RSL1D1: variants seen among roughly 807,000 people sequenced by gnomAD.
The protein encoded by RSL1D1 is ribosomal L1 domain containing 1.
In RSL1D1, 34 loss-of-function variants were observed where a neutral mutation model predicts 44.6. The observed-to-expected ratio is 0.76, with a 90% confidence interval of 0.58 to 1.02. The LOEUF is 1.02. RSL1D1 is among the 50% of genes least tolerant of loss of function. RSL1D1 has a pLI of 0.00. For missense variants in RSL1D1, 767 were observed against 568.1 expected, an observed-to-expected ratio of 1.35 and a Z score of -3.56; for synonymous variants, 271 against 207.4, an observed-to-expected ratio of 1.31 and a Z score of -2.63.
intron 7 of RSL1D1, chr16:11,841,472 A>G (rs1166950101): frequency 4.6e-6 from 2 of 436,822 alleles, no homozygotes; most frequent in Non-Finnish European, 8.2e-6. Context: ...TTATCAATAA[A>G]TACAAGATAT....
chr16:11,834,792 A>C lies in RSL1D1; in HGVS notation c.*2995T>G, dbSNP rs572921713. On this transcript the variant is annotated 3_prime_UTR_variant, in exon 9 of 9. Coordinates refer to ENST00000571133, the MANE Select transcript of RSL1D1 (RefSeq NM_015659.3). Reference sequence around the variant, plus strand: ...ATTTTAGATGCTTTCATAATTTAAAAAGTTAACATTACAATTTGTGTTACT... The same window carrying C: ...ATTTTAGATGCTTTCATAATTTAAACAGTTAACATTACAATTTGTGTTACT... 6.6e-6 allele frequency: 1 copy of C among 152,342 alleles called. No individual in the cohort carries two copies. Among genetic ancestry groups the C allele is most frequent in the East Asian group, 1.9e-4 (1 of 5,192 alleles). The allele number at this position is 152,342 out of a possible 1,614,324, so 9.4% of individuals were successfully genotyped here. A position where few individuals can be genotyped will look rare whatever the true frequency, so the allele number is the denominator to read the frequency against.
rs1272328506 is a variant in RSL1D1, at chr16:11,836,750, C to G, written c.*1037G>C. On this transcript the variant is annotated 3_prime_UTR_variant, in exon 9 of 9. Transcript: ENST00000571133. Reference sequence around the variant, plus strand: ...CCAGTGACTCATAAGCTTAGACCAACAAGCTCAGCATGAAAGCCAAGAAAC... The same window carrying G: ...CCAGTGACTCATAAGCTTAGACCAAGAAGCTCAGCATGAAAGCCAAGAAAC... 6.6e-6 allele frequency: 1 copy of G among 152,210 alleles called. No homozygotes were observed. Among genetic ancestry groups the G allele is most frequent in the Non-Finnish European group, 1.5e-5 (1 of 68,044 alleles). 9.4% of individuals were successfully genotyped at this position (152,210 alleles called of 1,614,324 possible). A position where few individuals can be genotyped will look rare whatever the true frequency, so the allele number is the denominator to read the frequency against.
At chr16:11,838,874 A>AC (rs1185904704) in intron 8 of RSL1D1, among the ~76,000 whole-genome samples, 1 of 151,404 alleles carries the variant, frequency 6.6e-6, no homozygotes, top group African/African-American at 2.4e-5. Context: ...AAAAACAAAA[A>AC]AAAACTGTGA....
rs1422655022 is a variant in RSL1D1 at position 11,846,817 on chromosome 16, C to G, written c.411G>C (p.Lys137Asn). The G allele has an allele frequency of 6.2e-7, 1 of 1,611,358 alleles. No homozygotes were observed. Among genetic ancestry groups the G allele is most frequent in the Non-Finnish European group, 8.5e-7 (1 of 1,177,920 alleles). Residue 137 changes from lysine to asparagine, a missense_variant, in exon 4 of 9, where the codon AAG (lysine) becomes AAC (asparagine). Coordinates refer to ENST00000571133, the MANE Select transcript of RSL1D1 (RefSeq NM_015659.3). ...GCTTGGCTTCATAGGATTTATATTC[C>G]TTCTTTAGAGTTTGGAGGGAGATAA... is the stretch of plus-strand genomic sequence containing the variant. The part of the protein sequence containing the change: ...SQIISLQTLK[K>N]EYKSYEAKLR...
intron 8 of RSL1D1, 98 bp downstream of exon 8, chr16:11,839,597 C>T (rs2053749308): frequency 1.4e-6 from 2 of 1,476,488 alleles, no homozygotes; most frequent in Non-Finnish European, 1.8e-6. Flanking sequence ...TTTGGGTTCA[C>T]TCTAGTATTT....
intron 6 of RSL1D1, 26 bp downstream of exon 6, chr16:11,841,881 C>G (rs1160224650): frequency 6.2e-7 from 1 of 1,611,026 alleles, no homozygotes; most frequent in East Asian, 2.2e-5. Context: ...AATGAACAAT[C>G]AATTGATGCA....
intron 2 of RSL1D1, among the ~76,000 whole-genome samples, chr16:11,848,599 AC>A (rs1232479024): frequency 6.6e-6 from 1 of 152,074 alleles, no homozygotes; most frequent in Non-Finnish European, 1.5e-5. Flanking sequence ...ATCATAGCTC[AC>A]GATAGCCTCC....
In RSL1D1 at chr16:11,839,125, G is replaced by A. The variant is rs528402532; in HGVS notation, c.1146+570C>T. Among the ~76,000 whole-genome samples the A allele has an allele frequency of 1.9e-4, 29 of 152,216 alleles. No individual in the cohort carries two copies. In the South Asian group the frequency reaches 3.5e-3, roughly 19 times the overall value. ...TCATGCCTGTAATCCCAGCACTTTGGGAGGACAAGGCGGGCGGATCACCTG... is the reference window on the plus strand; with the variant it reads ...TCATGCCTGTAATCCCAGCACTTTGAGAGGACAAGGCGGGCGGATCACCTG... On this transcript the variant is annotated intron_variant, in intron 8 of 8. Coordinates refer to ENST00000571133, the MANE Select transcript of RSL1D1 (RefSeq NM_015659.3).
Position 11,851,469 on chromosome 16 carries a change from GT to G in RSL1D1, c.43del (p.Thr15LeufsTer30). On this transcript the variant is annotated frameshift_variant, in exon 1 of 9. Coordinates refer to ENST00000571133, the MANE Select transcript of RSL1D1 (RefSeq NM_015659.3). LOFTEE classifies it high-confidence loss of function. ...ASASLSSAAA[T>X]GTSTSTPAAP... Reference sequence around the variant, plus strand: ...CGCTGGAGTCGAGGTGGAGGTTCCAGTAGCGGCTGCAGAAGACAGCGAGGCC... The same window carrying G: ...CGCTGGAGTCGAGGTGGAGGTTCCAGAGCGGCTGCAGAAGACAGCGAGGCC... 1 of 1,614,110 alleles carries G rather than the reference GT, an allele frequency of 6.2e-7. No homozygotes were observed. Among genetic ancestry groups the G allele is most frequent in the Non-Finnish European group, 8.5e-7 (1 of 1,179,990 alleles).
chr16:11,845,846 T>C (rs546661839), intron 5 of RSL1D1, among the ~76,000 whole-genome samples: 2 of 151,936 alleles, frequency 1.3e-5, no homozygotes, highest in South Asian at 4.2e-4. Context: ...CACAGCCTCC[T>C]GTGTAGCTGG....
chr16:11,847,145 G>A (rs1215326075), intron 3 of RSL1D1, among the ~76,000 whole-genome samples: 1 of 152,164 alleles, frequency 6.6e-6, no homozygotes, highest in African/African-American at 2.4e-5. Context: ...GGAGGCCGAG[G>A]TGGGTGGATC....
At chr16:11,850,968 G>C in intron 1 of RSL1D1, 1 of 238,790 alleles carries the variant, frequency 4.2e-6, no homozygotes, top group East Asian at 1.4e-4. Flanking sequence ...GGGATTACAG[G>C]CGTGAGCCAC....
rs1343033328 is a variant in RSL1D1, at chr16:11,851,436, G to A, written c.77C>T (p.Thr26Ile). The A allele has an allele frequency of 3.7e-6, 6 of 1,614,010 alleles. No individual in the cohort carries two copies. Among genetic ancestry groups the A allele is most frequent in the Non-Finnish European group, 5.1e-6 (6 of 1,179,980 alleles). Residue 26 changes from threonine to isoleucine, a missense_variant, in exon 1 of 9, where the codon ACA (threonine) becomes ATA (isoleucine). Transcript: ENST00000571133. ...GTSTSTPAAPTARKQLDKEQV... is the reference protein window; with the variant it reads ...GTSTSTPAAPIARKQLDKEQV... ...TTCTTTATCCAGCTGCTTCCGTGCT[G>A]TCGGGGCCGCTGGAGTCGAGGTGGA...
chr16:11,840,195 C>T (rs1336185925), intron 7 of RSL1D1, among the ~76,000 whole-genome samples: 9 of 152,168 alleles, frequency 5.9e-5, no homozygotes, highest in Admixed American at 5.2e-4. Flanking sequence ...AAATTATATA[C>T]CGGCATTTCA....
At position 11,846,515 on chromosome 16, in the gene RSL1D1, T is replaced by A; in HGVS notation, c.621A>T (p.Lys207Asn). 6.4e-7 allele frequency: 1 copy of A among 1,574,608 alleles called. No individual in the cohort carries two copies. Residue 207 changes from lysine to asparagine, a missense_variant, in exon 5 of 9, where the codon AAA becomes AAT. Coordinates refer to ENST00000571133, the MANE Select transcript of RSL1D1 (RefSeq NM_015659.3). Reference protein sequence around the residue: ...CIGGTVLNISKSGSCSAIRIG... With the variant: ...CIGGTVLNISNSGSCSAIRIG... ...CTTTTACCTACCTGCAAGAACCACT[T>A]TTAGAAATGTTTAAGACTGTTCCAC...
At chr16:11,842,958 G>A (rs1218789226) in intron 5 of RSL1D1, among the ~76,000 whole-genome samples, 3 of 135,786 alleles carry the variant, frequency 2.2e-5, no homozygotes, top group Admixed American at 1.6e-4. Context: ...AGTTTCACTC[G>A]TTGCCCAGGC....
chr16:11,836,919 CAA>C lies in RSL1D1; in HGVS notation c.*866_*867del, dbSNP rs1235178980. On this transcript the variant is annotated 3_prime_UTR_variant, in exon 9 of 9. Coordinates refer to ENST00000571133, the MANE Select transcript of RSL1D1 (RefSeq NM_015659.3). ...AGGAAAAGGGTCACATCACAGACCT[CAA>C]GTCAGACCCACTGATTTGGAAAGCC... The C allele has an allele frequency of 6.6e-6, 1 of 152,188 alleles. No individual in the cohort carries two copies. 9.4% of individuals were successfully genotyped at this position (152,188 alleles called of 1,614,324 possible). A position where few individuals can be genotyped will look rare whatever the true frequency, so the allele number is the denominator to read the frequency against.
chr16:11,840,075 C>G, intron 7 of RSL1D1, 90 bp from the exon 8 acceptor site: 1 of 1,523,974 alleles, frequency 6.6e-7, no homozygotes, highest in South Asian at 1.3e-5. Context: ...TTTTGATTAT[C>G]CATAAGCCCC....
intron 2 of RSL1D1, among the ~76,000 whole-genome samples, chr16:11,849,006 C>CA (rs570533377): frequency 2.0e-5 from 3 of 152,044 alleles, no homozygotes; most frequent in East Asian, 3.9e-4. Context: ...CTCAAACTCC[C>CA]AGGCCTCAAA....
Sources: allele counts gnomAD v4.1 joint callset (sites outside exome capture counted in the v4.1 genomes callset), GRCh38; gene constraint gnomAD v4.1.1; transcripts MANE v1.5; gene names NCBI Gene and HGNC (gene_info 2026-07-23, HGNC 2026-07-21).